The following NRXN1 variants were observed in gnomAD, a reference collection of about 807,000 sequenced individuals.
The protein encoded by NRXN1 is neurexin-1.
Under a neutral mutation model 150.9 loss-of-function variants are expected in NRXN1, and 39 were observed. The observed-to-expected ratio is 0.26, with a 90% CI of 0.20 to 0.34. The LOEUF is 0.34. Among genes scored for constraint, NRXN1 ranks in the 10% least tolerant of loss-of-function variants. The pLI, the probability that NRXN1 is intolerant of heterozygous loss-of-function variation, is 1.00. For missense variants in NRXN1, 1,815 were observed against 1,949.9 expected (o/e 0.93, Z 1.30); for synonymous variants, 924 against 757.0 (o/e 1.22, Z -3.62).
chr2:49,940,937 G>T lies in NRXN1; in HGVS notation c.4216+2767C>A, dbSNP rs116571414. On this transcript the variant is annotated intron_variant, in intron 22 of 22. Transcript: ENST00000401669. ...GAATTGATGAATTGAAAACTGAAGA[G>T]TGAGGAGGGACAAACTGAAAGAGAG... Among the ~76,000 whole-genome samples, 623 of 152,288 alleles carry T rather than the reference G, an allele frequency of 4.1e-3. 4 individuals are homozygous for T. Among genetic ancestry groups the T allele is most frequent in the African/African-American group, 0.014 (595 of 41,560 alleles).
At chr2:49,983,083 C>T (rs536751674) in intron 21 of NRXN1, among the ~76,000 whole-genome samples, 37 of 152,258 alleles carry the variant, frequency 2.4e-4, no homozygotes, top group African/African-American at 8.7e-4. Flanking sequence ...TTTCTTGCAG[C>T]CTTTCCAAAT....
intron 5 of NRXN1, among the ~76,000 whole-genome samples, chr2:50,718,889 A>C (rs547505476): frequency 6.6e-6 from 1 of 151,686 alleles, no homozygotes; most frequent in South Asian, 2.1e-4. Flanking sequence ...TTTCTTTATC[A>C]CTAAGCTGAT....
intron 5 of NRXN1, among the ~76,000 whole-genome samples, chr2:50,766,482 G>A (rs1702394032): frequency 6.6e-6 from 1 of 152,026 alleles, no homozygotes; most frequent in African/African-American, 2.4e-5. Flanking sequence ...TGAGTAGGTA[G>A]GTGGGGAGGT....
chr2:51,005,388 T>C (rs56163088), intron 2 of NRXN1, among the ~76,000 whole-genome samples: 19,315 of 152,014 alleles, frequency 0.13, 1,390 homozygotes, highest in Non-Finnish European at 0.15. Context: ...GATCAGCATA[T>C]CCATCAGTTC....
At chr2:50,656,763 A>G (rs1309257873) in intron 5 of NRXN1, among the ~76,000 whole-genome samples, 1 of 151,924 alleles carries the variant, frequency 6.6e-6, no homozygotes, top group African/African-American at 2.4e-5. Context: ...AAAAAAAGAC[A>G]AAACAAACTC....
intron 5 of NRXN1, among the ~76,000 whole-genome samples, chr2:50,884,540 T>C (rs959613047): frequency 4.6e-5 from 7 of 151,758 alleles, no homozygotes; most frequent in African/African-American, 1.7e-4. Flanking sequence ...AATATCTTAC[T>C]AGAGATCATG....
At chr2:50,744,562 A>T (rs1377350408) in intron 5 of NRXN1, among the ~76,000 whole-genome samples, 2 of 152,178 alleles carry the variant, frequency 1.3e-5, no homozygotes, top group African/African-American at 4.8e-5. Context: ...ACCCATATAC[A>T]TATAAATGGT....
chr2:50,779,989 G>T (rs1333079560), intron 5 of NRXN1, among the ~76,000 whole-genome samples: 5 of 152,072 alleles, frequency 3.3e-5, no homozygotes, highest in Non-Finnish European at 7.4e-5. Flanking sequence ...CACCAACAGT[G>T]TAAAAGTGTT....
At chr2:50,098,760 C>G (rs1700572876) in intron 18 of NRXN1, among the ~76,000 whole-genome samples, 1 of 144,526 alleles carries the variant, frequency 6.9e-6, no homozygotes, top group African/African-American at 2.5e-5. Flanking sequence ...TGTCTTGAAA[C>G]TAAGGCACCC....
intron 5 of NRXN1, among the ~76,000 whole-genome samples, chr2:50,860,886 AT>A (rs1225710358): frequency 6.6e-6 from 1 of 152,100 alleles, no homozygotes; most frequent in African/African-American, 2.4e-5. Flanking sequence ...ACTTATAAAG[AT>A]TTTAAAAAGG....
At chr2:50,667,469 T>C (rs114931443) in intron 5 of NRXN1, among the ~76,000 whole-genome samples, 2 of 151,978 alleles carry the variant, frequency 1.3e-5, no homozygotes, top group Admixed American at 6.6e-5. Flanking sequence ...GTGAAATAAA[T>C]AGCATTCTGC....
At chr2:50,454,463 T>C (rs1271042132) in intron 17 of NRXN1, among the ~76,000 whole-genome samples, 1 of 152,128 alleles carries the variant, frequency 6.6e-6, no homozygotes, top group African/African-American at 2.4e-5. Context: ...CCCATGAACA[T>C]ATACACATAC....
intron 13 of NRXN1, among the ~76,000 whole-genome samples, chr2:50,498,477 A>G (rs747001205): frequency 3.3e-5 from 5 of 152,134 alleles, no homozygotes; most frequent in Admixed American, 6.5e-5. Flanking sequence ...TTGGCCCACC[A>G]TGCCCCATAC....
Position 50,548,542 on chromosome 2 carries a change from T to C in NRXN1, c.1759+4045A>G, listed in dbSNP as rs1230286642. ...GATGCTGCTAATTTATTTTATTTTA[T>C]TTTTTTTTAGAGTATCAGGGGTTGT... On this transcript the variant is annotated intron_variant, in intron 9 of 22. Coordinates refer to ENST00000401669, the MANE Select transcript of NRXN1 (RefSeq NM_001330078.2). Among the ~76,000 whole-genome samples, 4 of 151,308 alleles carry C rather than the reference T, an allele frequency of 2.6e-5. No individual in the cohort carries two copies. The East Asian group carries it at 7.8e-4, about 29-fold the overall frequency.
At chr2:50,603,881 T>G (rs1676677170) in intron 8 of NRXN1, among the ~76,000 whole-genome samples, 1 of 152,182 alleles carries the variant, frequency 6.6e-6, no homozygotes, top group African/African-American at 2.4e-5. Context: ...AGACTGCATC[T>G]CATGAAGCCA....
chr2:50,034,235 A>G (rs537696370), intron 21 of NRXN1, among the ~76,000 whole-genome samples: 6 of 152,170 alleles, frequency 3.9e-5, no homozygotes, highest in Non-Finnish European at 8.8e-5. Context: ...AAGACATGGA[A>G]TCAACCTAAG....
chr2:50,368,453 G>A (rs570271661), intron 17 of NRXN1, among the ~76,000 whole-genome samples: 2 of 152,094 alleles, frequency 1.3e-5, no homozygotes, highest in Admixed American at 6.6e-5. Context: ...AGGCAAATTT[G>A]ATGGACCTTT....
intron 9 of NRXN1, among the ~76,000 whole-genome samples, chr2:50,543,049 A>G (rs1415845781): frequency 6.6e-6 from 1 of 152,154 alleles, no homozygotes; most frequent in East Asian, 1.9e-4. Flanking sequence ...GCCAAACTCT[A>G]TATATCAATG....
intron 14 of NRXN1, among the ~76,000 whole-genome samples, 196 bp downstream of exon 14, chr2:50,497,137 C>CA (rs1199134320): frequency 2.0e-5 from 3 of 152,096 alleles, no homozygotes; most frequent in South Asian, 4.2e-4. Flanking sequence ...AATGTAGGTG[C>CA]AAAAAACTGT....
Sources: gnomAD v4.1 joint callset for allele counts (sites outside exome capture counted in the v4.1 genomes callset) on GRCh38, gnomAD v4.1.1 for gene constraint, MANE v1.5 for transcripts, NCBI Gene and HGNC (gene_info 2026-07-23, HGNC 2026-07-21) for gene names.